PREX1: variants seen among roughly 807,000 people sequenced by gnomAD.
PREX1 encodes the protein phosphatidylinositol 3,4,5-trisphosphate-dependent Rac exchanger 1 protein.
Under a neutral mutation model 198.3 loss-of-function variants are expected in PREX1, and 41 were observed. The observed-to-expected ratio is 0.21, with a 90% CI of 0.16 to 0.27. The LOEUF is 0.27. PREX1 is among the 10% of genes least tolerant of loss of function. The pLI, the probability that PREX1 is intolerant of heterozygous loss-of-function variation, is 1.00. For missense variants in PREX1, 1,620 were observed against 2,200.7 expected, an observed-to-expected ratio of 0.74 and a Z score of 5.28; for synonymous variants, 843 against 887.2, an observed-to-expected ratio of 0.95 and a Z score of 0.89.
At chr20:48,651,083 A>G in intron 22 of PREX1, 28 bp from the exon 23 acceptor site, 1 of 1,611,102 alleles carries the variant, frequency 6.2e-7, no homozygotes, top group Non-Finnish European at 8.5e-7. Flanking sequence ...GCTACTGAGC[A>G]TTCCCTGTGT....
chr20:48,664,111 AC>A (rs1359682803), intron 15 of PREX1, among the ~76,000 whole-genome samples: 1 of 152,222 alleles, frequency 6.6e-6, no homozygotes, highest in Non-Finnish European at 1.5e-5. Flanking sequence ...GCGGTGGCTC[AC>A]GCCTGTAATC....
chr20:48,814,855 C>T (rs182852353), intron 1 of PREX1, among the ~76,000 whole-genome samples: 3 of 152,148 alleles, frequency 2.0e-5, no homozygotes, highest in East Asian at 3.9e-4. Context: ...TAAAAGGTTG[C>T]GACTGTCAGA....
chr20:48,817,967 T>C (rs1459523254), intron 1 of PREX1, among the ~76,000 whole-genome samples: 1 of 151,690 alleles, frequency 6.6e-6, no homozygotes, highest in Admixed American at 6.6e-5. Flanking sequence ...TGTTAGCTAG[T>C]GGGAAAAAAA....
chr20:48,723,790 G>A (rs759862079), intron 5 of PREX1, among the ~76,000 whole-genome samples: 1 of 152,176 alleles, frequency 6.6e-6, no homozygotes, highest in East Asian at 1.9e-4. Context: ...GGCCCCTGGG[G>A]AGATGGGAAC....
chr20:48,778,504 C>T (rs1250298605), intron 1 of PREX1, among the ~76,000 whole-genome samples: 1 of 151,600 alleles, frequency 6.6e-6, no homozygotes, highest in Non-Finnish European at 1.5e-5. Context: ...GTGGGACAAT[C>T]GCTTGAACCC....
At chr20:48,762,701 C>CTTT (rs397816054) in intron 1 of PREX1, among the ~76,000 whole-genome samples, 8 of 128,094 alleles carry the variant, frequency 6.2e-5, no homozygotes, top group South Asian at 2.5e-4. Flanking sequence ...TATGAAGTTT[C>CTTT]TTTTTTTTTT....
intron 1 of PREX1, among the ~76,000 whole-genome samples, chr20:48,751,398 A>T (rs370422236): frequency 6.6e-6 from 1 of 152,142 alleles, no homozygotes; most frequent in Non-Finnish European, 1.5e-5. Flanking sequence ...TGGTTTCTTC[A>T]CACGAGCTCT....
intron 9 of PREX1, among the ~76,000 whole-genome samples, chr20:48,690,079 C>T (rs2089809834): frequency 6.6e-6 from 1 of 151,872 alleles, no homozygotes; most frequent in African/African-American, 2.4e-5. Flanking sequence ...ATGTAGCAGT[C>T]GAGGGGAAGA....
At position 48,645,953 on chromosome 20, in the gene PREX1, T is replaced by A. The variant is rs2089447768; in HGVS notation, c.3410A>T (p.Asp1137Val). 1 of 1,614,098 alleles carries A rather than the reference T, an allele frequency of 6.2e-7. No individual in the cohort carries two copies. The highest frequency in any genetic ancestry group is 1.3e-5 in the African/African-American group (1 of 74,948). ...LPLVSEESEM[D>V]RSDHGGIKKV... ...CTTGATGCCCCCATGGTCACTCCTG[T>A]CCATCTCGCTCTCTTCACTGACCAG... is the stretch of plus-strand genomic sequence containing the variant. Residue 1137 changes from aspartate to valine, a missense_variant, in exon 26 of 40, where the codon GAC becomes GTC. Asp to Val is a radical substitution (Grantham distance 152, BLOSUM62 -3). This residue lies in a region of PREX1 where 514 missense variants were observed against 611.6 expected (regional missense o/e 0.84). Coordinates refer to ENST00000371941, the MANE Select transcript of PREX1 (RefSeq NM_020820.4).
chr20:48,786,841 A>G (rs111284688), intron 1 of PREX1, among the ~76,000 whole-genome samples: 7 of 149,752 alleles, frequency 4.7e-5, no homozygotes, highest in South Asian at 2.1e-4. Context: ...GAAAGAAAGA[A>G]AAAGAGAGAG....
chr20:48,638,319 C>T (rs2089382059), intron 30 of PREX1, among the ~76,000 whole-genome samples: 3 of 152,288 alleles, frequency 2.0e-5, no homozygotes, highest in Admixed American at 2.0e-4. Flanking sequence ...CACACAGACA[C>T]ACAACAGACA....
At chr20:48,756,406 C>T (rs2090156052) in intron 1 of PREX1, among the ~76,000 whole-genome samples, 1 of 152,110 alleles carries the variant, frequency 6.6e-6, no homozygotes, top group South Asian at 2.1e-4. Flanking sequence ...ACATCCTCCC[C>T]AAGGATTCCA....
the PREX1 span, among the ~76,000 whole-genome samples, chr20:48,886,942 T>C: frequency 6.6e-6 from 1 of 152,234 alleles, no homozygotes; most frequent in Non-Finnish European, 1.5e-5. Context: ...CACAGTACTT[T>C]ACAGTTTGCA....
At chr20:48,721,478 A>C (rs989856430) in intron 5 of PREX1, among the ~76,000 whole-genome samples, 3 of 152,196 alleles carry the variant, frequency 2.0e-5, no homozygotes, top group African/African-American at 2.4e-5. Flanking sequence ...GTCCCAGCAG[A>C]AGAAAGAGCA....
intron 33 of PREX1, among the ~76,000 whole-genome samples, chr20:48,633,515 T>C (rs1601028710): frequency 6.6e-6 from 1 of 152,288 alleles, no homozygotes; most frequent in East Asian, 1.9e-4. Context: ...CAGTGCCTGG[T>C]TCCTAATTAA....
intron 30 of PREX1, 65 bp downstream of exon 30, chr20:48,639,701 C>T: frequency 6.3e-7 from 1 of 1,584,656 alleles, no homozygotes; most frequent in Non-Finnish European, 8.6e-7. Context: ...TCCTGATTCT[C>T]TCAGGTTCCA....
chr20:48,637,561 A>G, intron 31 of PREX1, 150 bp downstream of exon 31: 1 of 780,126 alleles, frequency 1.3e-6, no homozygotes, highest in Non-Finnish European at 2.0e-6. Flanking sequence ...CTTGGACACA[A>G]GAGGAAGAAG....
intron 4 of PREX1, among the ~76,000 whole-genome samples, chr20:48,727,688 G>A (rs768461255): frequency 6.6e-6 from 1 of 152,094 alleles, no homozygotes. Context: ...AGCCAGGCGG[G>A]TTGACACCGA....
chr20:48,718,202 C>T (rs904424895), intron 5 of PREX1, among the ~76,000 whole-genome samples: 2 of 152,170 alleles, frequency 1.3e-5, no homozygotes, highest in African/African-American at 4.8e-5. Flanking sequence ...GCTCTATATC[C>T]AGCCTTTCAA....
Sources: gnomAD v4.1 joint callset for allele counts (sites outside exome capture counted in the v4.1 genomes callset) on GRCh38, gnomAD v4.1.1 for gene constraint, gnomAD v4.1.1 regional missense constraint, MANE v1.5 for transcripts, NCBI Gene and HGNC (gene_info 2026-07-23, HGNC 2026-07-21) for gene names.